LUZP4: variants seen among roughly 807,000 people sequenced by gnomAD.
The protein encoded by LUZP4 is HOM-TES-85 tumor antigen.
LUZP4 carries 11 observed loss-of-function variants against 8.5 expected under a neutral mutation model. That is an observed-to-expected ratio of 1.30 (90% CI 0.82 to 2.14). The LOEUF is 2.14. Ranked by LOEUF, LUZP4 falls within the 30% of genes most tolerant of loss-of-function variation. The pLI is 0.00. For synonymous variants in LUZP4, 104 were observed against 79.4 expected (o/e 1.31, Z -1.65); for missense variants, 276 against 229.7 (o/e 1.20, Z -1.30).
Position 115,306,714 on chromosome X carries a change from G to A in LUZP4, c.852G>A (p.Glu284=). ...IVTQRDLVAT[E]RDLINQSGRS... ...CTCAGAGAGATCTCGTGGCCACTGA[G>A]AGAGATCTCATAAATCAGTCAGGGA... Residue 284 remains glutamate, a synonymous_variant, in exon 4 of 4, where the codon GAG becomes GAA. Transcript: ENST00000371920. 1 of 1,210,850 alleles carries A rather than the reference G, an allele frequency of 8.3e-7. No homozygotes were observed. The highest frequency in any genetic ancestry group is 1.1e-6 in the Non-Finnish European group (1 of 895,268).
At chrX:115,292,518 C>CGTGT (rs781795350) in intron 1 of LUZP4, among the ~76,000 whole-genome samples, 8 of 109,111 alleles carry the variant, frequency 7.3e-5, no homozygotes, top group African/African-American at 2.0e-4. Flanking sequence ...TGCTAATCTC[C>CGTGT]GTGTGTGTGT....
intron 1 of LUZP4, among the ~76,000 whole-genome samples, chrX:115,290,940 A>G (rs1233827819): frequency 9.0e-6 from 1 of 110,501 alleles, no homozygotes; most frequent in African/African-American, 3.3e-5. Context: ...GCGCCACCAC[A>G]CCTGTCTAGG....
intron 1 of LUZP4, among the ~76,000 whole-genome samples, chrX:115,301,593 T>C (rs2073397621): frequency 8.9e-6 from 1 of 112,437 alleles, no homozygotes; most frequent in Admixed American, 9.5e-5. Flanking sequence ...TTTAATGGTC[T>C]ATCACTTTAC....
At chrX:115,293,675 G>A (rs2073358120) in intron 1 of LUZP4, among the ~76,000 whole-genome samples, 1 of 110,967 alleles carries the variant, frequency 9.0e-6, no homozygotes, top group African/African-American at 3.3e-5. Context: ...TGTGAGGCGG[G>A]CGTGGTGGCT....
At chrX:115,295,106 G>T (rs1556598437) in intron 1 of LUZP4, among the ~76,000 whole-genome samples, 1 of 111,391 alleles carries the variant, frequency 9.0e-6, no homozygotes, top group Non-Finnish European at 1.9e-5. Context: ...TTGAGACAGG[G>T]TCTCTGTCGC....
At position 115,306,241 on chromosome X, in the gene LUZP4, A is replaced by G. The variant is rs1556603731; in HGVS notation, c.379A>G (p.Lys127Glu). Residue 127 changes from lysine (K) to glutamate (E), a missense_variant, in exon 4 of 4, where the codon AAG becomes GAG. Physicochemically the swap from Lys to Glu is moderately conservative, Grantham distance 56. Transcript: ENST00000371920. ...CSDNYEAQAE[K>E]NQGQSEGNQH... is the part of the protein sequence containing the mutation. ...TGACAATTATGAGGCCCAAGCAGAGAAGAATCAAGGCCAGTCAGAGGGGAA... is the reference window on the plus strand; with the variant it reads ...TGACAATTATGAGGCCCAAGCAGAGGAGAATCAAGGCCAGTCAGAGGGGAA... 1 of 1,210,474 alleles carries G rather than the reference A, an allele frequency of 8.3e-7. No homozygotes were observed. Among genetic ancestry groups the G allele is most frequent in the South Asian group, 1.8e-5 (1 of 56,912 alleles).
chrX:115,306,452 C>G lies in LUZP4; in HGVS notation c.590C>G (p.Ser197Cys), dbSNP rs1556603984. 4.1e-6 allele frequency: 5 copies of G among 1,209,350 alleles called. No individual in the cohort carries two copies. Among genetic ancestry groups the G allele is most frequent in the Non-Finnish European group, 5.6e-6 (5 of 895,059 alleles). The change falls in exon 4 of 4, where the codon TCT (serine) becomes TGT (cysteine). Residue 197 changes from serine (S) to cysteine (C), a missense_variant. By Grantham distance (112) the Ser-to-Cys change is moderately radical. Transcript: ENST00000371920. ...YERSHGQYKR[S>C]HGQSERSHGH... ...AGATCTCATGGCCAATACAAGAGAT[C>G]TCATGGTCAATCTGAGAGATCTCAT...
intron 1 of LUZP4, among the ~76,000 whole-genome samples, chrX:115,294,482 A>G (rs1156949391): frequency 3.6e-5 from 4 of 111,659 alleles, no homozygotes; most frequent in African/African-American, 1.3e-4. Flanking sequence ...TATTTGCTAT[A>G]TGTGCCCCGG....
At chrX:115,304,253 A>G (rs1375028207) in intron 3 of LUZP4, among the ~76,000 whole-genome samples, 1 of 112,022 alleles carries the variant, frequency 8.9e-6, no homozygotes, top group Non-Finnish European at 1.9e-5. Context: ...AAAGAAATGT[A>G]ATGCCAGGCA....
At chrX:115,290,296 C>T (rs1375974902) in intron 1 of LUZP4, among the ~76,000 whole-genome samples, 6 of 111,510 alleles carry the variant, frequency 5.4e-5, no homozygotes, top group Non-Finnish European at 9.4e-5. Flanking sequence ...AGGAGCAAGC[C>T]TTAGGCTATT....
intron 2 of LUZP4, among the ~76,000 whole-genome samples, chrX:115,302,596 A>T (rs2073402551): frequency 8.8e-6 from 1 of 113,127 alleles, no homozygotes; most frequent in Non-Finnish European, 1.9e-5. Context: ...ATTTTTTAAT[A>T]TGAATGTGCT....
intron 1 of LUZP4, among the ~76,000 whole-genome samples, chrX:115,298,790 C>T (rs1556600177): frequency 8.9e-6 from 1 of 111,762 alleles, no homozygotes; most frequent in Non-Finnish European, 1.9e-5. Context: ...TTTTCCAGGA[C>T]TCGTCCTTAG....
chrX:115,302,272 G>T (rs1556601922), intron 2 of LUZP4, 149 bp downstream of exon 2: 1 of 440,711 alleles, frequency 2.3e-6, no homozygotes, highest in Non-Finnish European at 3.6e-6. Flanking sequence ...CTCATACAGG[G>T]TTGGTAAGAA....
At position 115,306,690 on chromosome X, in the gene LUZP4, T is replaced by C; in HGVS notation, c.828T>C (p.Thr276=). The C allele has an allele frequency of 8.3e-7, 1 of 1,210,602 alleles. No homozygotes were observed. The highest frequency in any genetic ancestry group is 1.1e-6 in the Non-Finnish European group (1 of 895,282). ...LIATQRDLIV[T]QRDLVATERD... ...CCACTCAGAGAGATCTCATAGTCAC[T>C]CAGAGAGATCTCGTGGCCACTGAGA... The change falls in exon 4 of 4, where the codon ACT becomes ACC. Residue 276 remains threonine, a synonymous_variant. Coordinates refer to ENST00000371920, the MANE Select transcript of LUZP4 (RefSeq NM_016383.5).
chrX:115,305,943 A>G (rs1368221429), intron 3 of LUZP4, among the ~76,000 whole-genome samples: 1 of 111,730 alleles, frequency 9.0e-6, no homozygotes, highest in African/African-American at 3.2e-5. Context: ...ACCTTAGAGT[A>G]CAGTCAAACT....
intron 1 of LUZP4, among the ~76,000 whole-genome samples, chrX:115,294,556 T>G: frequency 8.9e-6 from 1 of 111,900 alleles, no homozygotes; most frequent in Middle Eastern, 4.6e-3. Context: ...AAGTTACCTC[T>G]CCTCTTAGGA....
chrX:115,306,750 C>T lies in LUZP4; in HGVS notation c.888C>T (p.Gly296=). The T allele has an allele frequency of 8.3e-7, 1 of 1,208,249 alleles. No individual in the cohort carries two copies. The highest frequency in any genetic ancestry group is 1.8e-5 in the South Asian group (1 of 56,832). ...DLINQSGRSH[G]QSERHQRYST... Reference sequence around the variant, plus strand: ...TAAATCAGTCAGGGAGATCTCATGGCCAATCAGAAAGACATCAGAGATACT... The same window carrying T: ...TAAATCAGTCAGGGAGATCTCATGGTCAATCAGAAAGACATCAGAGATACT... Residue 296 remains glycine (G), a synonymous_variant, in exon 4 of 4, where the codon GGC becomes GGT. Coordinates refer to ENST00000371920, the MANE Select transcript of LUZP4 (RefSeq NM_016383.5).
chrX:115,290,619 G>A (rs1382262431), intron 1 of LUZP4, among the ~76,000 whole-genome samples: 1 of 111,606 alleles, frequency 9.0e-6, no homozygotes, highest in Non-Finnish European at 1.9e-5. Flanking sequence ...AGAAATGGGG[G>A]AGGAGGGGAG....
At chrX:115,296,201 A>G (rs1036272404) in intron 1 of LUZP4, among the ~76,000 whole-genome samples, 20 of 112,346 alleles carry the variant, frequency 1.8e-4, no homozygotes, top group Non-Finnish European at 3.2e-4. Context: ...CAATATAAGT[A>G]TACTTTTCAC....
Sources: allele counts gnomAD v4.1 joint callset (sites outside exome capture counted in the v4.1 genomes callset), GRCh38; gene constraint gnomAD v4.1.1; transcripts MANE v1.5; gene names NCBI Gene and HGNC (gene_info 2026-07-23, HGNC 2026-07-21).